The following BMERB1 variants were observed in gnomAD, a reference collection of about 807,000 sequenced individuals.
BMERB1 encodes the protein bMERB domain-containing protein 1.
In BMERB1, 12 loss-of-function variants were observed where a neutral mutation model predicts 23.6. The observed-to-expected ratio is 0.51, with a 90% CI of 0.33 to 0.82. The LOEUF (loss-of-function observed/expected upper bound fraction) is 0.82, where lower values mean the gene tolerates loss of function less well. Ranked by LOEUF, BMERB1 falls within the 40% of genes least tolerant of loss-of-function variation. The pLI is 0.03. For synonymous variants in BMERB1, 122 were observed against 96.6 expected (o/e 1.26, Z -1.54); for missense variants, 247 against 255.4 (o/e 0.97, Z 0.22).
intron 2 of BMERB1, among the ~76,000 whole-genome samples, chr16:15,555,198 C>T (rs949994045): frequency 6.6e-6 from 1 of 152,106 alleles, no homozygotes; most frequent in Non-Finnish European, 1.5e-5. Context: ...ACCTCAGCCT[C>T]TCTGGTAGCT....
intron 2 of BMERB1, among the ~76,000 whole-genome samples, chr16:15,528,334 G>A (rs549582500): frequency 1.6e-3 from 245 of 152,024 alleles, no homozygotes; most frequent in Non-Finnish European, 3.2e-3. Flanking sequence ...TTGCTCTCTC[G>A]AGCACTTTTG....
At chr16:15,584,320 G>T in intron 5 of BMERB1, 1 of 333,630 alleles carries the variant, frequency 3.0e-6, no homozygotes, top group Non-Finnish European at 5.5e-6. Context: ...AGCACTTTGG[G>T]AGGCCGAGGC....
intron 1 of BMERB1, among the ~76,000 whole-genome samples, chr16:15,462,226 A>G (rs953577702): frequency 7.9e-6 from 1 of 126,250 alleles, no homozygotes; most frequent in African/African-American, 3.1e-5. Flanking sequence ...ATCTTGGCTC[A>G]CTGCAGCCTC....
chr16:15,517,910 T>G (rs116152133), intron 2 of BMERB1, among the ~76,000 whole-genome samples: 2,184 of 142,222 alleles, frequency 0.015, 58 homozygotes, highest in African/African-American at 0.06. Flanking sequence ...TGTGTGTGTG[T>G]ATGTGTGTGT....
At chr16:15,468,329 A>G (rs932139518) in intron 1 of BMERB1, among the ~76,000 whole-genome samples, 1 of 151,036 alleles carries the variant, frequency 6.6e-6, no homozygotes, top group African/African-American at 2.4e-5. Flanking sequence ...TATTTTTTGT[A>G]GAGATGGGGT....
At chr16:15,475,398 A>G (rs1040647288) in intron 1 of BMERB1, among the ~76,000 whole-genome samples, 5 of 152,190 alleles carry the variant, frequency 3.3e-5, no homozygotes, top group Admixed American at 1.3e-4. Context: ...CTCAACTTTC[A>G]TGCTTTGCTA....
chr16:15,584,093 A>G, intron 5 of BMERB1: 1 of 701,436 alleles, frequency 1.4e-6, no homozygotes, highest in East Asian at 2.7e-5. Context: ...TTTATATGAA[A>G]TAAGTTTGAG....
chr16:15,488,604 C>G lies in BMERB1; in HGVS notation c.107-26701C>G, dbSNP rs1043822737. Among the ~76,000 whole-genome samples, 4 of 150,174 alleles carry G rather than the reference C, an allele frequency of 2.7e-5. No homozygotes were observed. The South Asian group carries it at 8.4e-4, about 32-fold the overall frequency. ...ATCCCAGCACTTTGGGAGGCCGAGG[C>G]GGGTGGATCACGAGGTCAGGAGAGC... On this transcript the variant is annotated intron_variant, in intron 1 of 5. Transcript: ENST00000300006.
chr16:15,486,990 C>A (rs1157407277), intron 1 of BMERB1, among the ~76,000 whole-genome samples: 1 of 152,090 alleles, frequency 6.6e-6, no homozygotes, highest in Non-Finnish European at 1.5e-5. Flanking sequence ...TAACAAATAG[C>A]TATTATTATT....
rs546769611 is a variant in BMERB1, at chr16:15,512,576, C to G, written c.107-2729C>G. On this transcript the variant is annotated intron_variant, in intron 1 of 5. Transcript: ENST00000300006. ...TCTGGGCCACATAGCGAGACCTCAT[C>G]TCTACAAAAAGAAAAAAGAAGACCT... Among the ~76,000 whole-genome samples the G allele has an allele frequency of 2.6e-5, 4 of 152,114 alleles. No homozygotes were observed. The South Asian group carries it at 8.3e-4, about 32-fold the overall frequency.
rs1244961639 is a variant in BMERB1 at position 15,450,526 on chromosome 16, AGT to A, written c.106+15769_106+15770del. On this transcript the variant is annotated intron_variant, in intron 1 of 5. Coordinates refer to ENST00000300006, the MANE Select transcript of BMERB1 (RefSeq NM_033201.3). ...TGCTCTATTGTTCAGGCTGGAGTTC[AGT>A]GGCATGATCTTGGCTCACTGCAGCC... Among the ~76,000 whole-genome samples the A allele has an allele frequency of 2.6e-5, 4 of 152,190 alleles. No individual in the cohort carries two copies. In the East Asian group the frequency reaches 7.7e-4, roughly 29 times the overall value.
intron 1 of BMERB1, among the ~76,000 whole-genome samples, chr16:15,509,159 T>G (rs2051627886): frequency 6.6e-6 from 1 of 152,128 alleles, no homozygotes; most frequent in African/African-American, 2.4e-5. Context: ...TGTTGCCGTT[T>G]TCAGCATCTG....
chr16:15,493,008 GA>G (rs36022726), intron 1 of BMERB1, among the ~76,000 whole-genome samples: 51,200 of 151,820 alleles, frequency 0.34, 9,146 homozygotes, highest in East Asian at 0.56. Context: ...CTCACCATCA[GA>G]AAAACTCAAA....
intron 5 of BMERB1, among the ~76,000 whole-genome samples, chr16:15,583,577 C>CAA (rs35021259): frequency 0.012 from 751 of 61,510 alleles, 18 homozygotes; most frequent in African/African-American, 0.033. Flanking sequence ...GACTTTGTCT[C>CAA]AAAAAAAAAA....
At chr16:15,509,562 T>C (rs1291662481) in intron 1 of BMERB1, among the ~76,000 whole-genome samples, 2 of 152,178 alleles carry the variant, frequency 1.3e-5, no homozygotes, top group East Asian at 3.9e-4. Context: ...TTCGAGGTCT[T>C]GCGGCTGATG....
intron 4 of BMERB1, among the ~76,000 whole-genome samples, chr16:15,582,883 C>T (rs576432728): frequency 6.6e-6 from 1 of 152,242 alleles, no homozygotes; most frequent in African/African-American, 2.4e-5. Flanking sequence ...CACTCACTGA[C>T]CCCCCAGCAG....
intron 2 of BMERB1, among the ~76,000 whole-genome samples, chr16:15,560,648 C>T (rs1336985895): frequency 3.3e-5 from 5 of 151,914 alleles, no homozygotes; most frequent in Non-Finnish European, 7.4e-5. Context: ...AAAAAATTCT[C>T]CAGGTGTGGT....
chr16:15,508,399 A>G (rs549386943), intron 1 of BMERB1, among the ~76,000 whole-genome samples: 1 of 152,080 alleles, frequency 6.6e-6, no homozygotes, highest in South Asian at 2.1e-4. Context: ...AGTTTTTGCA[A>G]TGCAAAAGCA....
intron 1 of BMERB1, among the ~76,000 whole-genome samples, chr16:15,438,601 A>G (rs753348463): frequency 2.6e-5 from 4 of 151,754 alleles, no homozygotes; most frequent in Non-Finnish European, 5.9e-5. Context: ...CTGGGATTAC[A>G]GGCATGCACC....
Sources: gnomAD v4.1 joint callset for allele counts (sites outside exome capture counted in the v4.1 genomes callset) on GRCh38, gnomAD v4.1.1 for gene constraint, MANE v1.5 for transcripts, NCBI Gene and HGNC (gene_info 2026-07-23, HGNC 2026-07-21) for gene names.